The following GNAI3 variants were observed in gnomAD, a reference collection of about 807,000 sequenced individuals.
GNAI3 encodes the protein G protein subunit alpha i3.
GNAI3 carries 12 observed loss-of-function variants against 41.8 expected under a neutral mutation model. That is an observed-to-expected ratio of 0.29 (90% CI 0.18 to 0.47). The LOEUF (loss-of-function observed/expected upper bound fraction) is 0.47. Among genes scored for constraint, GNAI3 ranks in the 20% least tolerant of loss-of-function variants. GNAI3 has a pLI of 1.00. For missense variants in GNAI3, 360 were observed against 429.6 expected (o/e 0.84, Z 1.43); for synonymous variants, 132 against 146.5 (o/e 0.90, Z 0.71).
intron 4 of GNAI3, among the ~76,000 whole-genome samples, chr1:109,579,795 C>T (rs72703297): frequency 1.6e-4 from 25 of 152,218 alleles, no homozygotes; most frequent in African/African-American, 5.5e-4. Context: ...TCACTAGTAA[C>T]CCTTTTGCCA....
At chr1:109,559,891 G>A (rs1006453258) in intron 1 of GNAI3, among the ~76,000 whole-genome samples, 2 of 152,086 alleles carry the variant, frequency 1.3e-5, no homozygotes, top group African/African-American at 4.8e-5. Flanking sequence ...CTGTTTAATT[G>A]TTCTAGTTTT....
chr1:109,550,765 C>G (rs1452576668), intron 1 of GNAI3, among the ~76,000 whole-genome samples: 2 of 152,190 alleles, frequency 1.3e-5, no homozygotes, highest in African/African-American at 4.8e-5. Context: ...AATCTCCTGA[C>G]CTTGTGATCC....
intron 1 of GNAI3, among the ~76,000 whole-genome samples, chr1:109,560,867 G>C (rs1648294408): frequency 6.6e-6 from 1 of 152,196 alleles, no homozygotes; most frequent in Non-Finnish European, 1.5e-5. Flanking sequence ...TGCTCTTAAA[G>C]AGCTGATGTG....
chr1:109,562,114 G>A (rs933111641), intron 1 of GNAI3, among the ~76,000 whole-genome samples: 3 of 152,140 alleles, frequency 2.0e-5, no homozygotes, highest in African/African-American at 7.2e-5. Flanking sequence ...GAATATATGT[G>A]TGTATATATA....
intron 7 of GNAI3, among the ~76,000 whole-genome samples, chr1:109,588,991 G>C (rs1649105312): frequency 6.6e-6 from 1 of 152,128 alleles, no homozygotes; most frequent in Non-Finnish European, 1.5e-5. Context: ...CTTGGATGCT[G>C]GTGCTGTGAC....
intron 1 of GNAI3, among the ~76,000 whole-genome samples, chr1:109,561,442 CTT>C (rs1648306412): frequency 6.6e-6 from 1 of 152,176 alleles, no homozygotes; most frequent in Non-Finnish European, 1.5e-5. Context: ...GTTAACTAAA[CTT>C]CACATTTTAT....
intron 1 of GNAI3, among the ~76,000 whole-genome samples, chr1:109,558,018 A>G (rs1648205285): frequency 1.3e-5 from 2 of 152,210 alleles, no homozygotes; most frequent in African/African-American, 4.8e-5. Flanking sequence ...ACATGGGAGT[A>G]TTGAGGAACT....
chr1:109,571,486 A>G (rs1223253009), intron 1 of GNAI3, among the ~76,000 whole-genome samples: 1 of 152,202 alleles, frequency 6.6e-6, no homozygotes, highest in Non-Finnish European at 1.5e-5. Flanking sequence ...CATCTGTAAA[A>G]TGGGGGTAAT....
At position 109,597,511 on chromosome 1, in the gene GNAI3, G is replaced by A. The variant is rs112644286; in HGVS notation, c.*5189G>A. 25 of 150,034 alleles carry A rather than the reference G, an allele frequency of 1.7e-4. No individual in the cohort carries two copies. Among genetic ancestry groups the A allele is most frequent in the African/African-American group, 5.4e-4 (22 of 40,626 alleles). 9.3% of individuals were successfully genotyped at this position (150,034 alleles called of 1,614,324 possible). A position where few individuals can be genotyped will look rare whatever the true frequency, so the allele number is the denominator to read the frequency against. On this transcript the variant is annotated 3_prime_UTR_variant, in exon 9 of 9. Transcript: ENST00000369851. ...CAAATATTGAAAATAAGCAACTTCAGTGCACAAATAAGCTCAAAATCACTA... is the reference window on the plus strand; with the variant it reads ...CAAATATTGAAAATAAGCAACTTCAATGCACAAATAAGCTCAAAATCACTA...
intron 1 of GNAI3, among the ~76,000 whole-genome samples, chr1:109,557,830 G>T (rs1180413891): frequency 1.3e-5 from 2 of 152,164 alleles, no homozygotes; most frequent in Admixed American, 6.5e-5. Context: ...GTCATGTATG[G>T]TTGGGTATAG....
At chr1:109,567,576 A>C (rs915686773) in intron 1 of GNAI3, among the ~76,000 whole-genome samples, 4 of 152,238 alleles carry the variant, frequency 2.6e-5, no homozygotes, top group African/African-American at 9.6e-5. Context: ...TTAGGTTATA[A>C]GTTGCAGTTT....
intron 3 of GNAI3, among the ~76,000 whole-genome samples, chr1:109,578,261 A>T (rs1648799894): frequency 6.6e-6 from 1 of 152,164 alleles, no homozygotes; most frequent in Non-Finnish European, 1.5e-5. Context: ...ACCTGAGGTC[A>T]GGTGTTCGAG....
In GNAI3 at chr1:109,592,155, G is replaced by A. The variant is rs61758987; in HGVS notation, c.987G>A (p.Thr329=). 2.2e-3 allele frequency: 3,545 copies of A among 1,612,960 alleles called. 6 individuals are homozygous for A. The highest frequency in any genetic ancestry group is 9.6e-3 in the Middle Eastern group (58 of 6,062). The change falls in exon 8 of 9, where the codon ACG becomes ACA. Residue 329 remains threonine, a synonymous_variant. Coordinates refer to ENST00000369851, the MANE Select transcript of GNAI3 (RefSeq NM_006496.4). Reference sequence around the variant, plus strand: ...CTCACTTCACCTGTGCCACAGACACGAAGAATGTGCAGTTTGTTTTTGATG... The same window carrying A: ...CTCACTTCACCTGTGCCACAGACACAAAGAATGTGCAGTTTGTTTTTGATG... ...IYTHFTCATD[T]KNVQFVFDAV...
chr1:109,551,175 C>G (rs549599472), intron 1 of GNAI3, among the ~76,000 whole-genome samples: 1 of 152,248 alleles, frequency 6.6e-6, no homozygotes, highest in Admixed American at 6.5e-5. Flanking sequence ...CAACTTCATT[C>G]TTTTTTAAGT....
chr1:109,560,124 C>T (rs1648266537), intron 1 of GNAI3, among the ~76,000 whole-genome samples: 1 of 152,182 alleles, frequency 6.6e-6, no homozygotes, highest in Non-Finnish European at 1.5e-5. Flanking sequence ...CCAAGTTAGA[C>T]TTAGATACCT....
At chr1:109,567,133 T>C (rs1342764921) in intron 1 of GNAI3, among the ~76,000 whole-genome samples, 1 of 152,202 alleles carries the variant, frequency 6.6e-6, no homozygotes. Context: ...TCTAGTCATA[T>C]GTTCCTATAT....
intron 5 of GNAI3, among the ~76,000 whole-genome samples, 155 bp downstream of exon 5, chr1:109,582,720 G>A (rs1354922260): frequency 6.6e-6 from 1 of 151,988 alleles, no homozygotes; most frequent in Non-Finnish European, 1.5e-5. Flanking sequence ...AACTGAATGG[G>A]GGCCCAAACA....
At chr1:109,550,634 C>T (rs1017773884) in intron 1 of GNAI3, among the ~76,000 whole-genome samples, 4 of 151,992 alleles carry the variant, frequency 2.6e-5, no homozygotes, top group East Asian at 3.9e-4. Flanking sequence ...CTCGGGTTCA[C>T]GCCATTCTCC....
At chr1:109,588,718 C>T (rs1268308818) in intron 7 of GNAI3, among the ~76,000 whole-genome samples, 1 of 152,094 alleles carries the variant, frequency 6.6e-6, no homozygotes. Flanking sequence ...TGTGGTGAAA[C>T]CCTGTCTCTA....
Sources: gnomAD v4.1 joint callset for allele counts (sites outside exome capture counted in the v4.1 genomes callset) on GRCh38, gnomAD v4.1.1 for gene constraint, MANE v1.5 for transcripts, NCBI Gene and HGNC (gene_info 2026-07-23, HGNC 2026-07-21) for gene names.